PTPRG: variants seen among roughly 807,000 people sequenced by gnomAD.
PTPRG encodes receptor-type tyrosine-protein phosphatase gamma.
PTPRG carries 102 observed loss-of-function variants against 165.3 expected under a neutral mutation model. That is an observed-to-expected ratio of 0.62 (90% CI 0.53 to 0.73). PTPRG has a LOEUF of 0.73. PTPRG is among the 30% of genes least tolerant of loss of function. The pLI, the probability that PTPRG is intolerant of heterozygous loss-of-function variation, is 0.00. For missense variants in PTPRG, 1,866 were observed against 1,861.4 expected (o/e 1.00, Z -0.05); for synonymous variants, 675 against 669.5 (o/e 1.01, Z -0.13).
At chr3:61,653,211 C>A (rs374669613) in intron 1 of PTPRG, among the ~76,000 whole-genome samples, 1 of 151,838 alleles carries the variant, frequency 6.6e-6, no homozygotes, top group South Asian at 2.1e-4. Flanking sequence ...ATAGGAAAGA[C>A]GTATTGTACA....
At chr3:62,169,803 T>C (rs1467671923) in intron 8 of PTPRG, among the ~76,000 whole-genome samples, 1 of 152,110 alleles carries the variant, frequency 6.6e-6, no homozygotes, top group African/African-American at 2.4e-5. Flanking sequence ...GTGTGGTACG[T>C]TACGTGGAGA....
intron 2 of PTPRG, among the ~76,000 whole-genome samples, chr3:61,972,862 T>C (rs2040416260): frequency 6.6e-6 from 1 of 151,792 alleles, no homozygotes; most frequent in South Asian, 2.1e-4. Flanking sequence ...TCCTCCTATG[T>C]TGCTCAGGCT....
At chr3:62,043,590 T>C (rs1700193401) in intron 4 of PTPRG, among the ~76,000 whole-genome samples, 1 of 152,242 alleles carries the variant, frequency 6.6e-6, no homozygotes, top group Non-Finnish European at 1.5e-5. Flanking sequence ...CTCTTTTGGC[T>C]CTTTGTTGAA....
At chr3:62,095,600 G>A (rs1019655397) in intron 5 of PTPRG, among the ~76,000 whole-genome samples, 13 of 152,170 alleles carry the variant, frequency 8.5e-5, no homozygotes, top group African/African-American at 3.1e-4. Flanking sequence ...ATACCTGTGT[G>A]GCCTTGGTCT....
chr3:62,231,656 T>C (rs539390795), intron 14 of PTPRG, among the ~76,000 whole-genome samples: 1 of 152,198 alleles, frequency 6.6e-6, no homozygotes, highest in African/African-American at 2.4e-5. Context: ...ATTTGCATGG[T>C]TTTGAGCTTT....
At chr3:61,856,757 A>C (rs115368469) in intron 2 of PTPRG, among the ~76,000 whole-genome samples, 1 of 152,176 alleles carries the variant, frequency 6.6e-6, no homozygotes, top group Non-Finnish European at 1.5e-5. Context: ...TGTTCCACAA[A>C]TTACTCATTA....
Position 61,877,327 on chromosome 3 carries a change from G to A in PTPRG, c.191-112298G>A, listed in dbSNP as rs184427557. Among the ~76,000 whole-genome samples the A allele has an allele frequency of 2.6e-5, 4 of 152,286 alleles. No homozygotes were observed. The East Asian group carries it at 7.7e-4, about 29-fold the overall frequency. ...AGAACGTGGATGTTCTGCAGCATTG[G>A]AGAGATGTTTGAGAATGCTGGCCTG... On this transcript the variant is annotated intron_variant, in intron 2 of 29. Coordinates refer to ENST00000474889, the MANE Select transcript of PTPRG (RefSeq NM_002841.4).
chr3:61,978,024 G>C (rs138620466), intron 2 of PTPRG, among the ~76,000 whole-genome samples: 118 of 152,268 alleles, frequency 7.7e-4, no homozygotes, highest in African/African-American at 2.6e-3. Flanking sequence ...ACTAATTTTT[G>C]TATTTTTAGT....
At chr3:61,746,774 C>G (rs1410879419) in intron 1 of PTPRG, among the ~76,000 whole-genome samples, 1 of 152,086 alleles carries the variant, frequency 6.6e-6, no homozygotes, top group Admixed American at 6.5e-5. Flanking sequence ...CTGTCCAATG[C>G]GTGATACACA....
At chr3:61,821,972 C>G (rs1409975331) in intron 2 of PTPRG, among the ~76,000 whole-genome samples, 2 of 152,212 alleles carry the variant, frequency 1.3e-5, no homozygotes, top group East Asian at 3.9e-4. Flanking sequence ...TTAACTGCCT[C>G]TCAAATGCAT....
chr3:61,998,138 G>A (rs1007797708), intron 3 of PTPRG, among the ~76,000 whole-genome samples: 1 of 152,216 alleles, frequency 6.6e-6, no homozygotes, highest in East Asian at 1.9e-4. Flanking sequence ...TTTATAAACA[G>A]TTGGGGGATG....
chr3:61,622,362 G>A (rs1422746397), intron 1 of PTPRG, among the ~76,000 whole-genome samples: 2 of 152,136 alleles, frequency 1.3e-5, no homozygotes, highest in Admixed American at 6.5e-5. Context: ...AGGAGAGTTT[G>A]CTATTTGTAA....
chr3:62,029,113 G>C (rs1699679092), intron 4 of PTPRG, among the ~76,000 whole-genome samples: 1 of 152,144 alleles, frequency 6.6e-6, no homozygotes. Flanking sequence ...CCTAGCGTGT[G>C]TGAGTGTCTT....
chr3:62,153,226 C>T (rs1168583726), intron 6 of PTPRG, among the ~76,000 whole-genome samples: 1 of 152,202 alleles, frequency 6.6e-6, no homozygotes, highest in African/African-American at 2.4e-5. Context: ...CAGCCTGTAC[C>T]TCATCTGGGC....
At position 61,562,371 on chromosome 3, in the gene PTPRG, C is replaced by G; in HGVS notation, c.84C>G (p.Pro28=). ...TGCTCCATTATGTCGTGTGCTTCCCCGGTGAGTGCCGGCCGCCGAGGGGAT... is the reference window on the plus strand; with the variant it reads ...TGCTCCATTATGTCGTGTGCTTCCCGGGTGAGTGCCGGCCGCCGAGGGGAT... ...SSVLHYVVCF[P]ALTEGYVGAL... is the part of the protein sequence containing the mutation. Residue 28 remains proline (P), a splice_region_variant and synonymous_variant, in exon 1 of 30, where the codon CCC becomes CCG. Coordinates refer to ENST00000474889, the MANE Select transcript of PTPRG (RefSeq NM_002841.4). 4 of 1,613,262 alleles carry G rather than the reference C, an allele frequency of 2.5e-6. No individual in the cohort carries two copies. Among genetic ancestry groups the G allele is most frequent in the South Asian group, 1.1e-5 (1 of 91,060 alleles).
At chr3:61,603,097 T>C (rs925074958) in intron 1 of PTPRG, among the ~76,000 whole-genome samples, 3 of 152,184 alleles carry the variant, frequency 2.0e-5, no homozygotes, top group African/African-American at 7.2e-5. Context: ...ATTTATACCA[T>C]GGAAATCAGC....
chr3:62,122,099 T>C (rs1447971898), intron 5 of PTPRG, among the ~76,000 whole-genome samples: 1 of 152,206 alleles, frequency 6.6e-6, no homozygotes, highest in African/African-American at 2.4e-5. Context: ...TTGTGGATTT[T>C]GAGATGTTTG....
intron 4 of PTPRG, among the ~76,000 whole-genome samples, chr3:62,070,461 T>C (rs994028082): frequency 6.6e-6 from 1 of 152,232 alleles, no homozygotes; most frequent in African/African-American, 2.4e-5. Context: ...CTCCCACTCA[T>C]TTTATTCATT....
chr3:61,839,243 A>G (rs1486443589), intron 2 of PTPRG, among the ~76,000 whole-genome samples: 2 of 152,216 alleles, frequency 1.3e-5, no homozygotes, highest in Non-Finnish European at 2.9e-5. Context: ...ATATTTAAAT[A>G]GCTCTTAAGT....
Sources: gnomAD v4.1 joint callset for allele counts (sites outside exome capture counted in the v4.1 genomes callset) on GRCh38, gnomAD v4.1.1 for gene constraint, MANE v1.5 for transcripts, NCBI Gene and HGNC (gene_info 2026-07-23, HGNC 2026-07-21) for gene names.